REEP1: variants seen among roughly 807,000 people sequenced by gnomAD.
REEP1 encodes the protein receptor accessory protein 1, also known as receptor expression-enhancing protein 1.
In REEP1, 22 loss-of-function variants were observed where a neutral mutation model predicts 40.3. That is an observed-to-expected ratio of 0.55 (90% CI 0.39 to 0.78). REEP1 has a LOEUF of 0.78. REEP1 is among the 30% of genes least tolerant of loss of function. The pLI is 0.00. For synonymous variants in REEP1, 116 were observed against 139.2 expected, an observed-to-expected ratio of 0.83 and a Z score of 1.17; for missense variants, 280 against 361.1, an observed-to-expected ratio of 0.78 and a Z score of 1.82.
intron 1 of REEP1, among the ~76,000 whole-genome samples, chr2:86,300,614 C>A (rs964292554): frequency 6.6e-6 from 1 of 152,096 alleles, no homozygotes; most frequent in Non-Finnish European, 1.5e-5. Flanking sequence ...ATAAGTGAGA[C>A]CAGGGCCCAG....
At chr2:86,251,583 G>A in intron 5 of REEP1, 1 of 330,994 alleles carries the variant, frequency 3.0e-6, no homozygotes, top group Non-Finnish European at 5.9e-6. Context: ...CTGCAGAGAA[G>A]CACTCTCTCC....
intron 1 of REEP1, among the ~76,000 whole-genome samples, chr2:86,312,539 G>A (rs947410312): frequency 4.6e-5 from 7 of 152,114 alleles, no homozygotes; most frequent in African/African-American, 1.4e-4. Flanking sequence ...GCTCTAATAT[G>A]TAATGTTTAA....
Position 86,216,682 on chromosome 2 carries a change from C to A in REEP1, c.*357G>T. On this transcript the variant is annotated 3_prime_UTR_variant, in exon 9 of 9. Transcript: ENST00000538924. ...TTTACAGGACTAAAAACTAAGTATG[C>A]AACAGATAAATTACAAATGTACATC... 4.9e-6 allele frequency: 1 copy of A among 203,854 alleles called. No homozygotes were observed. Among genetic ancestry groups the A allele is most frequent in the Non-Finnish European group, 1.0e-5 (1 of 98,988 alleles). The allele number at this position is 203,854 out of a possible 1,614,324, so 12.6% of individuals were successfully genotyped here. A position where few individuals can be genotyped will look rare whatever the true frequency, so the allele number is the denominator to read the frequency against.
chr2:86,317,997 C>T (rs1680099346), intron 1 of REEP1, among the ~76,000 whole-genome samples: 1 of 152,058 alleles, frequency 6.6e-6, no homozygotes, highest in African/African-American at 2.4e-5. Context: ...GTATTTGTTA[C>T]CAATGATGAG....
At chr2:86,257,027 G>C (rs544353221) in intron 3 of REEP1, among the ~76,000 whole-genome samples, 1 of 152,180 alleles carries the variant, frequency 6.6e-6, no homozygotes, top group African/African-American at 2.4e-5. Flanking sequence ...GCCTCTGGTG[G>C]GTGCTTCCTG....
chr2:86,298,461 C>T (rs1679096027), intron 1 of REEP1, among the ~76,000 whole-genome samples: 2 of 152,250 alleles, frequency 1.3e-5, no homozygotes, highest in African/African-American at 4.8e-5. Flanking sequence ...GGGTGTGTAA[C>T]ACTGTTCTAT....
At chr2:86,219,344 T>C (rs1487915033) in intron 8 of REEP1, among the ~76,000 whole-genome samples, 4 of 152,226 alleles carry the variant, frequency 2.6e-5, no homozygotes, top group Non-Finnish European at 5.9e-5. Context: ...TTGGGTTGTT[T>C]TTCACTTGTA....
intron 4 of REEP1, among the ~76,000 whole-genome samples, chr2:86,253,079 C>T (rs1206401819): frequency 1.3e-5 from 2 of 152,080 alleles, no homozygotes; most frequent in African/African-American, 2.4e-5. Flanking sequence ...GTCAAGAGTT[C>T]GAGACCAGCC....
intron 2 of REEP1, among the ~76,000 whole-genome samples, chr2:86,264,649 T>A (rs531724530): frequency 6.6e-6 from 1 of 152,286 alleles, no homozygotes; most frequent in Admixed American, 6.5e-5. Context: ...CCATTTAAAA[T>A]ATCCCAGCCT....
chr2:86,286,080 G>T (rs17738058), intron 1 of REEP1, among the ~76,000 whole-genome samples: 2 of 151,842 alleles, frequency 1.3e-5, no homozygotes. Flanking sequence ...TCTGTGTAAA[G>T]GCTCCATGGA....
At chr2:86,227,738 A>G (rs1243703008) in intron 6 of REEP1, among the ~76,000 whole-genome samples, 1 of 152,122 alleles carries the variant, frequency 6.6e-6, no homozygotes, top group Non-Finnish European at 1.5e-5. Context: ...TCCAGTTCAG[A>G]ATGTCCTCCA....
chr2:86,235,942 C>T (rs375662761), intron 5 of REEP1, among the ~76,000 whole-genome samples: 4 of 152,176 alleles, frequency 2.6e-5, no homozygotes, highest in Non-Finnish European at 4.4e-5. Flanking sequence ...CCTGACCGGG[C>T]GCGGTGGTTC....
chr2:86,236,929 T>G (rs1050347049), intron 5 of REEP1, among the ~76,000 whole-genome samples: 1 of 152,072 alleles, frequency 6.6e-6, no homozygotes, highest in Admixed American at 6.6e-5. Flanking sequence ...AGAGACGGGG[T>G]TTCACCGTGT....
At position 86,228,987 on chromosome 2, in the gene REEP1, T is replaced by C. The variant is rs531256670; in HGVS notation, c.596-1589A>G. Among the ~76,000 whole-genome samples the C allele has an allele frequency of 9.2e-5, 14 of 152,356 alleles. No homozygotes were observed. The South Asian group carries it at 2.9e-3, about 32-fold the overall frequency. ...CTTTTCTTCACCTGGCATCATGCTT[T>C]CAAGTTCCACTGTGTGCACCCTTAA... On this transcript the variant is annotated intron_variant, in intron 6 of 8. Transcript: ENST00000538924.
At chr2:86,269,751 C>T (rs1013217393) in intron 2 of REEP1, among the ~76,000 whole-genome samples, 9 of 151,988 alleles carry the variant, frequency 5.9e-5, no homozygotes, top group Non-Finnish European at 8.8e-5. Context: ...TAAAAACTTC[C>T]GCTCTGCACA....
chr2:86,246,711 T>C (rs1424804218), intron 5 of REEP1, among the ~76,000 whole-genome samples: 1 of 150,092 alleles, frequency 6.7e-6, no homozygotes, highest in Non-Finnish European at 1.5e-5. Context: ...CTTTTTTCTT[T>C]TTTTTTTTTG....
At chr2:86,260,094 G>A (rs1168202427) in intron 3 of REEP1, among the ~76,000 whole-genome samples, 2 of 152,176 alleles carry the variant, frequency 1.3e-5, no homozygotes. Flanking sequence ...CCCATCCTGT[G>A]CCTGTTCTCA....
rs1311156734 is a variant in REEP1 at position 86,322,298 on chromosome 2, CT to C, written c.32+15180del. Among the ~76,000 whole-genome samples the C allele has an allele frequency of 3.3e-5, 5 of 152,152 alleles. No homozygotes were observed. The East Asian group carries it at 9.6e-4, about 29-fold the overall frequency. ...GTGGCTCATGTTGGTAACCCCAGCA[CT>C]TTGGGAGGCCGAGGTGGGGGGATTG... On this transcript the variant is annotated intron_variant, in intron 1 of 8. Transcript: ENST00000538924.
At chr2:86,326,521 T>C (rs886169153) in intron 1 of REEP1, among the ~76,000 whole-genome samples, 4 of 152,136 alleles carry the variant, frequency 2.6e-5, no homozygotes, top group African/African-American at 9.7e-5. Flanking sequence ...AAGACCAGCC[T>C]GACCAAAATG....
Sources: gnomAD v4.1 joint callset for allele counts (sites outside exome capture counted in the v4.1 genomes callset) on GRCh38, gnomAD v4.1.1 for gene constraint, MANE v1.5 for transcripts, NCBI Gene and HGNC (gene_info 2026-07-23, HGNC 2026-07-21) for gene names.